The following OPRM1 variants were observed in gnomAD, a reference collection of about 807,000 sequenced individuals.
OPRM1 encodes the protein mu-type opioid receptor.
OPRM1 carries 27 observed loss-of-function variants against 31.8 expected under a neutral mutation model. The observed-to-expected ratio is 0.85, with a 90% CI of 0.63 to 1.17. OPRM1 has a LOEUF of 1.17. Ranked by LOEUF, OPRM1 falls within the 50% of genes most tolerant of loss-of-function variation. OPRM1 has a pLI of 0.00. For missense variants in OPRM1, 536 were observed against 511.1 expected, an observed-to-expected ratio of 1.05 and a Z score of -0.47; for synonymous variants, 196 against 189.9, an observed-to-expected ratio of 1.03 and a Z score of -0.26.
At chr6:154,080,677 C>T (rs1036274526) in intron 1 of OPRM1, among the ~76,000 whole-genome samples, 2 of 152,190 alleles carry the variant, frequency 1.3e-5, no homozygotes, top group African/African-American at 4.8e-5. Context: ...CCCATCTGCT[C>T]ACATGATTAG....
At chr6:154,192,736 T>C (rs1027275886) in intron 3 of OPRM1, among the ~76,000 whole-genome samples, 1 of 152,016 alleles carries the variant, frequency 6.6e-6, no homozygotes, top group Non-Finnish European at 1.5e-5. Flanking sequence ...AAAGAAGACA[T>C]ACAAATGGCC....
At chr6:154,228,097 T>C (rs1352196477) in intron 3 of OPRM1, among the ~76,000 whole-genome samples, 3 of 152,156 alleles carry the variant, frequency 2.0e-5, no homozygotes, top group African/African-American at 7.2e-5. Context: ...CCAGATCCCC[T>C]GTTGCCTATT....
At chr6:154,146,752 A>G (rs1798368125) in intron 3 of OPRM1, among the ~76,000 whole-genome samples, 1 of 152,098 alleles carries the variant, frequency 6.6e-6, no homozygotes, top group Admixed American at 6.5e-5. Context: ...CATGGAACTG[A>G]AAGGGCACCC....
chr6:154,190,470 A>G (rs756056455), intron 3 of OPRM1, among the ~76,000 whole-genome samples: 4 of 152,202 alleles, frequency 2.6e-5, no homozygotes, highest in Admixed American at 6.5e-5. Flanking sequence ...GTTACTACCC[A>G]CCTACTAGCA....
chr6:154,096,493 G>C (rs1295773646), intron 3 of OPRM1, among the ~76,000 whole-genome samples: 2 of 151,966 alleles, frequency 1.3e-5, no homozygotes, highest in Non-Finnish European at 2.9e-5. Flanking sequence ...GTAATTGCGG[G>C]TTTTGCCATT....
rs548048380 is a variant in OPRM1, at chr6:154,138,120, G to C, written c.1164+46648G>C. On this transcript the variant is annotated intron_variant, in intron 3 of 3. Transcript: ENST00000337049. Reference sequence around the variant, plus strand: ...CTGAGCTTTCAAGTCACACTGACCAGGTGTAACTCCTTACTCCTTCGACTT... The same window carrying C: ...CTGAGCTTTCAAGTCACACTGACCACGTGTAACTCCTTACTCCTTCGACTT... Among the ~76,000 whole-genome samples, 6 of 152,230 alleles carry C rather than the reference G, an allele frequency of 3.9e-5. No homozygotes were observed. The South Asian group carries it at 1.2e-3, about 32-fold the overall frequency.
intron 1 of OPRM1, among the ~76,000 whole-genome samples, chr6:154,075,089 T>C (rs571060260): frequency 6.6e-6 from 1 of 152,264 alleles, no homozygotes; most frequent in Admixed American, 6.5e-5. Flanking sequence ...GCAAGTACTA[T>C]AAGAGAAGAG....
At chr6:154,107,548 C>G (rs1350685353) in intron 3 of OPRM1, 4 of 718,436 alleles carry the variant, frequency 5.6e-6, no homozygotes, top group Admixed American at 2.0e-5. Context: ...CATTTCCCTT[C>G]CCAGGAAGAG....
chr6:154,169,976 T>C (rs1157231811), intron 3 of OPRM1, among the ~76,000 whole-genome samples: 2 of 152,182 alleles, frequency 1.3e-5, no homozygotes, highest in African/African-American at 4.8e-5. Flanking sequence ...AGCCAACCCA[T>C]TCTGAGACAC....
chr6:154,043,436 A>G (rs10485056), intron 1 of OPRM1, among the ~76,000 whole-genome samples: 8,626 of 152,058 alleles, frequency 0.057, 825 homozygotes, highest in African/African-American at 0.2. Context: ...TACTTGATTG[A>G]AACAGAAGTA....
At chr6:154,047,126 C>CTCTCG (rs1781262127) in intron 1 of OPRM1, among the ~76,000 whole-genome samples, 1 of 152,130 alleles carries the variant, frequency 6.6e-6, no homozygotes, top group Non-Finnish European at 1.5e-5. Context: ...TTCGAGAGTA[C>CTCTCG]AGGCAAGTGG....
rs201410932 is a variant in OPRM1, at chr6:154,091,473, G to A, written c.1164+1G>A. The A allele has an allele frequency of 1.5e-4, 239 of 1,608,026 alleles. 1 individual carries two copies. In the South Asian group the frequency reaches 2.5e-3, roughly 17 times the overall value. On this transcript the variant is annotated splice_donor_variant, in intron 3 of 3. Transcript: ENST00000330432. LOFTEE classifies it high-confidence loss of function. ...TACAGTGGATAGAACTAATCATCAG[G>A]TACGCAGTCTCTAGAATTAGGTATA...
At chr6:154,245,606 A>C (rs78652300) in intron 3 of OPRM1, among the ~76,000 whole-genome samples, 1 of 152,222 alleles carries the variant, frequency 6.6e-6, no homozygotes, top group South Asian at 2.1e-4. Context: ...AATGACATGC[A>C]TGCCCACGTC....
chr6:154,187,726 GAGTCAA>G (rs997787391), intron 3 of OPRM1, among the ~76,000 whole-genome samples: 1 of 152,188 alleles, frequency 6.6e-6, no homozygotes, highest in Non-Finnish European at 1.5e-5. Flanking sequence ...TCAGGCTGTG[GAGTCAA>G]ACAGAACTGC....
Position 154,123,786 on chromosome 6 carries a change from T to A in OPRM1, c.*5065T>A, listed in dbSNP as rs556318191. 7.2e-5 allele frequency among the ~76,000 whole-genome samples: 11 copies of A among 152,348 alleles called. No individual in the cohort carries two copies. The East Asian group carries it at 2.1e-3, about 29-fold the overall frequency. The stretch of plus-strand genomic sequence containing the variant: ...GTACTGGTGGGAATGTTTTTTAGCA[T>A]GCTAATGCAATATAATTAGTGTATA... On this transcript the variant is annotated 3_prime_UTR_variant, in exon 4 of 4. Transcript: ENST00000330432.
At chr6:154,142,282 G>A (rs973663025) in intron 3 of OPRM1, among the ~76,000 whole-genome samples, 1 of 152,166 alleles carries the variant, frequency 6.6e-6, no homozygotes, top group Non-Finnish European at 1.5e-5. Flanking sequence ...GCCAGGGAGA[G>A]GCAGTCTCTC....
intron 3 of OPRM1, among the ~76,000 whole-genome samples, chr6:154,163,249 A>G (rs1388952711): frequency 2.0e-5 from 3 of 152,096 alleles, no homozygotes; most frequent in Non-Finnish European, 4.4e-5. Flanking sequence ...ACTACATTAC[A>G]GCTACCTTGA....
intron 3 of OPRM1, among the ~76,000 whole-genome samples, chr6:154,102,981 C>G (rs1338184633): frequency 6.7e-6 from 1 of 148,710 alleles, no homozygotes; most frequent in Admixed American, 6.7e-5. Flanking sequence ...AATTCTTCAA[C>G]CCTTATATTA....
At chr6:154,027,046 G>T (rs1198431302) in intron 1 of OPRM1, among the ~76,000 whole-genome samples, 1 of 152,160 alleles carries the variant, frequency 6.6e-6, no homozygotes, top group Non-Finnish European at 1.5e-5. Flanking sequence ...GAAGAGTTAG[G>T]TATGTATGGT....
Sources: gnomAD v4.1 joint callset for allele counts (sites outside exome capture counted in the v4.1 genomes callset) on GRCh38, gnomAD v4.1.1 for gene constraint, MANE v1.5 for transcripts, NCBI Gene and HGNC (gene_info 2026-07-23, HGNC 2026-07-21) for gene names.